Variants in SLIT2 observed in about 807,000 individuals in gnomAD.
SLIT2 encodes the protein slit homolog 2 protein.
A neutral mutation model predicts 185.7 loss-of-function variants in SLIT2; 41 were observed. That is an observed-to-expected ratio of 0.22 (90% CI 0.17 to 0.29). SLIT2 has a LOEUF of 0.29. Ranked by LOEUF, SLIT2 falls within the 10% of genes least tolerant of loss-of-function variation. The pLI is 1.00. For missense variants in SLIT2, 1,571 were observed against 1,909.0 expected (o/e 0.82, Z 3.30); for synonymous variants, 693 against 680.2 (o/e 1.02, Z -0.29).
chr4:20,289,784 A>G (rs1333727738), intron 4 of SLIT2, among the ~76,000 whole-genome samples: 2 of 152,150 alleles, frequency 1.3e-5, no homozygotes, highest in Non-Finnish European at 2.9e-5. Context: ...AAAGGGAGAG[A>G]GGGGAGGAGG....
At chr4:20,318,183 A>G (rs748842891) in intron 4 of SLIT2, among the ~76,000 whole-genome samples, 16 of 152,106 alleles carry the variant, frequency 1.1e-4, no homozygotes, top group Non-Finnish European at 1.8e-4. Context: ...TACATTGTTG[A>G]TCCCCTCAGT....
At chr4:20,304,551 G>T (rs889812665) in intron 4 of SLIT2, among the ~76,000 whole-genome samples, 5 of 152,260 alleles carry the variant, frequency 3.3e-5, no homozygotes, top group East Asian at 1.9e-4. Context: ...GCAAGCAGAG[G>T]CTTGACAAAT....
Position 20,486,823 on chromosome 4 carries a change from CTTAAAGCCCAGAGTAGCCT to C in SLIT2, c.611+558_611+576del, listed in dbSNP as rs568833921. Among the ~76,000 whole-genome samples the C allele has an allele frequency of 5.4e-3, 823 of 151,962 alleles. 9 individuals are homozygous for C. Among genetic ancestry groups the C allele is most frequent in the African/African-American group, 0.019 (801 of 41,484 alleles). ...CTTTTCTCTTGAAGAAAAAGTAATC[CTTAAAGCCCAGAGTAGCCT>C]TTAAAATCTTTAAAGCCCAGGGTGG... On this transcript the variant is annotated intron_variant, in intron 7 of 36. Coordinates refer to ENST00000504154, the MANE Select transcript of SLIT2 (RefSeq NM_004787.4).
intron 4 of SLIT2, among the ~76,000 whole-genome samples, chr4:20,445,755 G>A (rs758462508): frequency 5.3e-5 from 8 of 152,060 alleles, no homozygotes; most frequent in Non-Finnish European, 1.0e-4. Context: ...TGCGGTAGTG[G>A]AAAGGACTTT....
chr4:20,562,564 T>A (rs1724781455), intron 26 of SLIT2, among the ~76,000 whole-genome samples: 1 of 151,854 alleles, frequency 6.6e-6, no homozygotes, highest in East Asian at 1.9e-4. Flanking sequence ...AAACTGTAAG[T>A]TTTTTCAGAA....
chr4:20,560,228 A>G (rs978954907), intron 26 of SLIT2, among the ~76,000 whole-genome samples: 2 of 151,984 alleles, frequency 1.3e-5, no homozygotes, highest in African/African-American at 4.8e-5. Flanking sequence ...ATATAGCAGG[A>G]AGACAAATAT....
chr4:20,297,512 T>A (rs1716598790), intron 4 of SLIT2, among the ~76,000 whole-genome samples: 1 of 152,188 alleles, frequency 6.6e-6, no homozygotes, highest in Admixed American at 6.5e-5. Flanking sequence ...AGAAACCAAG[T>A]ACAGTAAAAT....
At chr4:20,400,930 T>C (rs1169985304) in intron 4 of SLIT2, among the ~76,000 whole-genome samples, 2 of 151,840 alleles carry the variant, frequency 1.3e-5, no homozygotes, top group Admixed American at 6.6e-5. Flanking sequence ...ATAACTGAAC[T>C]CTGAGATTTT....
At chr4:20,322,407 G>A (rs943747544) in intron 4 of SLIT2, among the ~76,000 whole-genome samples, 1 of 152,086 alleles carries the variant, frequency 6.6e-6, no homozygotes, top group Non-Finnish European at 1.5e-5. Context: ...AGTGGGGAGG[G>A]GTCATCAAGG....
At chr4:20,352,343 A>G (rs1165621564) in intron 4 of SLIT2, among the ~76,000 whole-genome samples, 1 of 151,536 alleles carries the variant, frequency 6.6e-6, no homozygotes, top group African/African-American at 2.4e-5. Context: ...TTTTTTCTTC[A>G]TGTTTTAACT....
At chr4:20,401,111 T>C (rs1726321501) in intron 4 of SLIT2, among the ~76,000 whole-genome samples, 1 of 151,860 alleles carries the variant, frequency 6.6e-6, no homozygotes, top group Non-Finnish European at 1.5e-5. Flanking sequence ...ATTATTCTCA[T>C]CCATCATCTT....
intron 11 of SLIT2, among the ~76,000 whole-genome samples, chr4:20,512,019 A>G (rs987300406): frequency 6.6e-5 from 10 of 152,240 alleles, no homozygotes; most frequent in African/African-American, 9.6e-5. Context: ...AAATAAATGT[A>G]TAGCAGCTGT....
In SLIT2 at chr4:20,610,180, C is replaced by T; in HGVS notation, c.3847+13C>T. ...CTCTATGTAGGAGGTAAGCTGTCTT[C>T]CAAATTCAGGTGGTCCTGAAACCCT... On this transcript the variant is annotated intron_variant, in intron 34 of 36. Coordinates refer to ENST00000504154, the MANE Select transcript of SLIT2 (RefSeq NM_004787.4). 6.2e-7 allele frequency: 1 copy of T among 1,605,582 alleles called. No individual in the cohort carries two copies. The highest frequency in any genetic ancestry group is 8.5e-7 in the Non-Finnish European group (1 of 1,176,514).
intron 3 of SLIT2, among the ~76,000 whole-genome samples, chr4:20,262,082 A>C (rs537546599): frequency 6.6e-6 from 1 of 152,022 alleles, no homozygotes; most frequent in Admixed American, 6.6e-5. Context: ...CTGTTAACTT[A>C]GACATTTAAA....
intron 4 of SLIT2, chr4:20,392,128 T>A (rs1364933332): frequency 6.6e-6 from 1 of 151,970 alleles, no homozygotes; most frequent in Non-Finnish European, 1.5e-5. Context: ...TGTGACATCA[T>A]AGAGGGTACT....
Position 20,567,324 on chromosome 4 carries a change from G to A in SLIT2, c.2788G>A (p.Asp930Asn). Residue 930 changes from aspartate (D) to asparagine (N), a missense_variant, in exon 27 of 37, where the codon GAT (aspartate) becomes AAT (asparagine). Physicochemically the swap from Asp to Asn is conservative, Grantham distance 23. Transcript: ENST00000504154. ...NPCLSNPCKN[D>N]GTCNSDPVDF... ...CTGCCTATCAAATCCGTGTAAAAATGATGGCACATGTAATAGTGATCCAGT... is the reference window on the plus strand; with the variant it reads ...CTGCCTATCAAATCCGTGTAAAAATAATGGCACATGTAATAGTGATCCAGT... 4 of 1,612,912 alleles carry A rather than the reference G, an allele frequency of 2.5e-6. No homozygotes were observed. Among genetic ancestry groups the A allele is most frequent in the Non-Finnish European group, 3.4e-6 (4 of 1,179,172 alleles).
intron 29 of SLIT2, chr4:20,573,223 G>A (rs1725767446): frequency 1.4e-6 from 1 of 702,798 alleles, no homozygotes; most frequent in African/African-American, 1.7e-5. Flanking sequence ...TTCTGTCTTT[G>A]TCGCTGCCAG....
intron 4 of SLIT2, among the ~76,000 whole-genome samples, chr4:20,269,671 G>GA (rs932477876): frequency 9.2e-5 from 14 of 151,936 alleles, no homozygotes; most frequent in Non-Finnish European, 7.4e-5. Context: ...TGCATGTTGT[G>GA]AAAAAAACTG....
chr4:20,387,260 C>T (rs1034154315), intron 4 of SLIT2, among the ~76,000 whole-genome samples: 4 of 151,872 alleles, frequency 2.6e-5, no homozygotes, highest in Non-Finnish European at 4.4e-5. Context: ...ATGTAGTTTA[C>T]GTTAGTTATA....
Sources: gnomAD v4.1 joint callset for allele counts (sites outside exome capture counted in the v4.1 genomes callset) on GRCh38, gnomAD v4.1.1 for gene constraint, MANE v1.5 for transcripts, NCBI Gene and HGNC (gene_info 2026-07-23, HGNC 2026-07-21) for gene names.